The following DTX1 variants were observed in gnomAD, a reference collection of about 807,000 sequenced individuals.
DTX1 encodes E3 ubiquitin-protein ligase DTX1.
In DTX1, 26 loss-of-function variants were observed where a neutral mutation model predicts 57.8. The ratio of observed to expected loss-of-function variants is 0.45; its 90% confidence interval spans 0.33 to 0.62. The LOEUF (loss-of-function observed/expected upper bound fraction) is 0.62, where lower values mean the gene tolerates loss of function less well. Ranked by LOEUF, DTX1 falls within the 20% of genes least tolerant of loss-of-function variation. The pLI, the probability that DTX1 is intolerant of heterozygous loss-of-function variation, is 0.02. For synonymous variants in DTX1, 398 were observed against 394.1 expected, an observed-to-expected ratio of 1.01 and a Z score of -0.12; for missense variants, 704 against 895.3, an observed-to-expected ratio of 0.79 and a Z score of 2.73.
At chr12:113,089,277 T>G (rs1242862132) in intron 3 of DTX1, among the ~76,000 whole-genome samples, 1 of 151,850 alleles carries the variant, frequency 6.6e-6, no homozygotes, top group Admixed American at 6.6e-5. Context: ...GGGGGCCAGA[T>G]CAGGAGGCCA....
chr12:113,094,119 G>A lies in DTX1; in HGVS notation c.1227+20G>A, dbSNP rs1381149291. The A allele has an allele frequency of 4.1e-6, 6 of 1,460,138 alleles. No individual in the cohort carries two copies. The highest frequency in any genetic ancestry group is 1.4e-5 in the African/African-American group (1 of 71,270). The allele number at this position is 1,460,138 out of a possible 1,614,324, so 90.4% of individuals were successfully genotyped here. A position where few individuals can be genotyped will look rare whatever the true frequency, so the allele number is the denominator to read the frequency against. ...GATGAGGTGAGGAGGGGATGGGGGGGCTGGGGGAGGGCCCTGGCATGGAGG... is the reference window on the plus strand; with the variant it reads ...GATGAGGTGAGGAGGGGATGGGGGGACTGGGGGAGGGCCCTGGCATGGAGG... On this transcript the variant is annotated intron_variant, in intron 6 of 9. Coordinates refer to ENST00000548759, the MANE Select transcript of DTX1 (RefSeq NM_004416.3).
At chr12:113,065,602 G>C (rs1405138276) in intron 2 of DTX1, among the ~76,000 whole-genome samples, 1 of 152,184 alleles carries the variant, frequency 6.6e-6, no homozygotes, top group Non-Finnish European at 1.5e-5. Flanking sequence ...TGCGGAGTCT[G>C]ACCTGGAGAG....
Position 113,095,365 on chromosome 12 carries a change from G to A in DTX1, c.1589G>A (p.Arg530Lys). Residue 530 changes from arginine to lysine, a missense_variant, in exon 9 of 10, where the codon AGA becomes AAA. This residue lies in a region of DTX1 where 168 missense variants were observed against 255.6 expected (regional missense o/e 0.66). Coordinates refer to ENST00000548759, the MANE Select transcript of DTX1 (RefSeq NM_004416.3). ...HPNPGKKFTARGFPRHCYLPN... is the reference protein window; with the variant it reads ...HPNPGKKFTAKGFPRHCYLPN... Reference sequence around the variant, plus strand: ...AACCCCGGGAAGAAGTTCACCGCAAGAGGATTCCCTCGCCACTGCTATCTA... The same window carrying A: ...AACCCCGGGAAGAAGTTCACCGCAAAAGGATTCCCTCGCCACTGCTATCTA... 1 of 1,614,226 alleles carries A rather than the reference G, an allele frequency of 6.2e-7. No homozygotes were observed. The highest frequency in any genetic ancestry group is 1.3e-5 in the African/African-American group (1 of 75,066).
chr12:113,089,333 A>G (rs1950228578), intron 3 of DTX1, among the ~76,000 whole-genome samples: 1 of 152,126 alleles, frequency 6.6e-6, no homozygotes, highest in African/African-American at 2.4e-5. Context: ...GAGTGAGAGC[A>G]GAGGACAGAT....
rs925224749 is a variant in DTX1 at position 113,082,304 on chromosome 12, G to A, written c.941+4199G>A. On this transcript the variant is annotated intron_variant, in intron 3 of 9. Coordinates refer to ENST00000548759, the MANE Select transcript of DTX1 (RefSeq NM_004416.3). ...ACAAGCCCGGCTCAAAGTCCCCAACGCTCCATCTCCAAGAAACCCCCCGGG... is the reference window on the plus strand; with the variant it reads ...ACAAGCCCGGCTCAAAGTCCCCAACACTCCATCTCCAAGAAACCCCCCGGG... Among the ~76,000 whole-genome samples the A allele has an allele frequency of 7.2e-5, 11 of 152,220 alleles. 1 individual carries two copies. The highest frequency in any genetic ancestry group is 3.9e-4 in the East Asian group (2 of 5,172).
chr12:113,058,822 C>G (rs1283223141), intron 2 of DTX1, among the ~76,000 whole-genome samples: 3 of 152,356 alleles, frequency 2.0e-5, no homozygotes, highest in East Asian at 1.9e-4. Context: ...CATGCACTTC[C>G]TCATTTGATT....
Position 113,077,467 on chromosome 12 carries a change from G to T in DTX1, c.303G>T (p.Ser101=), listed in dbSNP as rs116800762. 5.8e-3 allele frequency: 9,282 copies of T among 1,611,974 alleles called. 456 individuals are homozygous for T. The African/African-American group carries it at 0.1, about 18-fold the overall frequency. The change falls in exon 3 of 10, where the codon TCG becomes TCT. Residue 101 remains serine (S), a synonymous_variant. Transcript: ENST00000548759. This position sits in a 1 kb window ranked among gnomAD's most constrained non-coding sequence, Gnocchi z 7.8. Reference sequence around the variant, plus strand: ...GGCGCAACTTCTACGACCCGTCGTCGGCGCCGGGCAAGGGCATCGTGTGGG... The same window carrying T: ...GGCGCAACTTCTACGACCCGTCGTCTGCGCCGGGCAAGGGCATCGTGTGGG... ...PVRRNFYDPS[S]APGKGIVWEW...
Position 113,093,143 on chromosome 12 carries a change from T to G in DTX1, c.942-19T>G. ...CGGGGGCTGGAGTCCAGCTGCGGCC[T>G]CTTCTCTTCTCCCCGCAGGGTCCCC... On this transcript the variant is annotated intron_variant, in intron 3 of 9. Coordinates refer to ENST00000548759, the MANE Select transcript of DTX1 (RefSeq NM_004416.3). The surrounding 1 kb of genome is among the most constrained non-coding windows in gnomAD (Gnocchi z 4.2). 1 of 1,583,448 alleles carries G rather than the reference T, an allele frequency of 6.3e-7. No homozygotes were observed. Among genetic ancestry groups the G allele is most frequent in the Non-Finnish European group, 8.6e-7 (1 of 1,164,808 alleles).
chr12:113,093,704 C>G lies in DTX1; in HGVS notation c.1165+4C>G, dbSNP rs184914838. 1.2e-6 allele frequency: 2 copies of G among 1,612,374 alleles called. No individual in the cohort carries two copies. Among genetic ancestry groups the G allele is most frequent in the African/African-American group, 2.7e-5 (2 of 74,906 alleles). On this transcript the variant is annotated splice_donor_region_variant and intron_variant, in intron 5 of 9. Coordinates refer to ENST00000548759, the MANE Select transcript of DTX1 (RefSeq NM_004416.3). The surrounding 1 kb of genome is among the most constrained non-coding windows in gnomAD (Gnocchi z 4.2). ...AAGAAGAAGCACCTTAAAAAGAGTA[C>G]GCCCTCCACGCCCTGCCTCACACGA...
At chr12:113,087,620 T>C (rs559937152) in intron 3 of DTX1, among the ~76,000 whole-genome samples, 1 of 152,230 alleles carries the variant, frequency 6.6e-6, no homozygotes, top group South Asian at 2.1e-4. Flanking sequence ...ACTGTTCAAC[T>C]TCCTTCTCCC....
chr12:113,079,673 G>C (rs1288830759), intron 3 of DTX1, among the ~76,000 whole-genome samples: 1 of 150,890 alleles, frequency 6.6e-6, no homozygotes, highest in Non-Finnish European at 1.5e-5. Flanking sequence ...GACTACAGGT[G>C]CATGCCACCA....
chr12:113,057,994 G>A lies in DTX1; in HGVS notation c.-199G>A, dbSNP rs917346551. The A allele has an allele frequency of 3.8e-6, 3 of 781,746 alleles. No homozygotes were observed. The Admixed American group carries it at 9.0e-5, about 23-fold the overall frequency. The allele number at this position is 781,746 out of a possible 1,614,324, so 48.4% of individuals were successfully genotyped here. A position where few individuals can be genotyped will look rare whatever the true frequency, so the allele number is the denominator to read the frequency against. On this transcript the variant is annotated 5_prime_UTR_variant, in exon 2 of 10. Coordinates refer to ENST00000548759, the MANE Select transcript of DTX1 (RefSeq NM_004416.3). ...TATCGGAGAAGGCTCTACAGGGAAG[G>A]GGTCTTTGCAGCCTGGATGGCCATC...
In DTX1 at chr12:113,093,349, C is replaced by A; in HGVS notation, c.1003+126C>A. The A allele has an allele frequency of 7.3e-7, 1 of 1,363,278 alleles. No individual in the cohort carries two copies. The highest frequency in any genetic ancestry group is 9.9e-7 in the Non-Finnish European group (1 of 1,011,272). 84.4% of individuals were successfully genotyped at this position (1,363,278 alleles called of 1,614,324 possible). A position where few individuals can be genotyped will look rare whatever the true frequency, so the allele number is the denominator to read the frequency against. On this transcript the variant is annotated intron_variant, in intron 4 of 9. Coordinates refer to ENST00000548759, the MANE Select transcript of DTX1 (RefSeq NM_004416.3). This position sits in a 1 kb window ranked among gnomAD's most constrained non-coding sequence, Gnocchi z 4.2. ...GGCCCGGAGGAAACGCCCCCTTCCACTGGGCCCAGGACACAGGGCGGGCGT... is the reference window on the plus strand; with the variant it reads ...GGCCCGGAGGAAACGCCCCCTTCCAATGGGCCCAGGACACAGGGCGGGCGT...
intron 2 of DTX1, among the ~76,000 whole-genome samples, chr12:113,060,282 C>T (rs2044656416): frequency 6.6e-6 from 1 of 152,232 alleles, no homozygotes; most frequent in African/African-American, 2.4e-5. Flanking sequence ...CAGCAGGGAG[C>T]AAGACAAAGT....
intron 3 of DTX1, among the ~76,000 whole-genome samples, chr12:113,088,414 C>CT (rs1950220614): frequency 6.6e-6 from 1 of 152,216 alleles, no homozygotes. Context: ...CATTCCTGCT[C>CT]TAACTTTGTC....
chr12:113,089,655 C>T (rs553024281), intron 3 of DTX1, among the ~76,000 whole-genome samples: 2 of 152,260 alleles, frequency 1.3e-5, no homozygotes, highest in South Asian at 2.1e-4. Context: ...CCTGGGTTCT[C>T]GCAGGAGGCC....
In DTX1 at chr12:113,058,104, G is replaced by C; in HGVS notation, c.-89G>C. On this transcript the variant is annotated 5_prime_UTR_variant, in exon 2 of 10. Coordinates refer to ENST00000548759, the MANE Select transcript of DTX1 (RefSeq NM_004416.3). Reference sequence around the variant, plus strand: ...CCAGACGGTCCTTGCTGTCCCCCTGGGGAGAGAGGAAGTTGCCGCCTGCTG... The same window carrying C: ...CCAGACGGTCCTTGCTGTCCCCCTGCGGAGAGAGGAAGTTGCCGCCTGCTG... The C allele has an allele frequency of 4.1e-6, 6 of 1,464,886 alleles. No homozygotes were observed. Among genetic ancestry groups the C allele is most frequent in the Non-Finnish European group, 5.4e-6 (6 of 1,109,510 alleles). The allele number at this position is 1,464,886 out of a possible 1,614,324, so 90.7% of individuals were successfully genotyped here. A position where few individuals can be genotyped will look rare whatever the true frequency, so the allele number is the denominator to read the frequency against.
intron 3 of DTX1, among the ~76,000 whole-genome samples, chr12:113,085,884 A>G (rs1054409818): frequency 1.3e-5 from 2 of 152,212 alleles, no homozygotes; most frequent in Non-Finnish European, 2.9e-5. Context: ...GAGGAAAAAT[A>G]TAGGAGAGAA....
At position 113,081,870 on chromosome 12, in the gene DTX1, G is replaced by A. The variant is rs1203829290; in HGVS notation, c.941+3765G>A. On this transcript the variant is annotated intron_variant, in intron 3 of 9. Transcript: ENST00000548759. The stretch of plus-strand genomic sequence containing the variant: ...GAGGCTCCCTTCTGGAACAGTGGGG[G>A]CTGAGATTTTTTACCCCAAATGGGG... Among the ~76,000 whole-genome samples the A allele has an allele frequency of 2.6e-5, 4 of 152,188 alleles. No homozygotes were observed. In the East Asian group the frequency reaches 7.7e-4, roughly 29 times the overall value.
Sources: gnomAD v4.1 joint callset for allele counts (sites outside exome capture counted in the v4.1 genomes callset) on GRCh38, gnomAD v4.1.1 for gene constraint, gnomAD v4.1.1 regional missense constraint, Gnocchi (gnomAD v3.1) non-coding constraint, MANE v1.5 for transcripts, NCBI Gene and HGNC (gene_info 2026-07-23, HGNC 2026-07-21) for gene names.